ARIH1: variants seen among roughly 807,000 people sequenced by gnomAD.
The protein encoded by ARIH1 is ariadne RBR E3 ubiquitin protein ligase 1, also known as E3 ubiquitin-protein ligase ARIH1.
In ARIH1, 8 loss-of-function variants were observed where a neutral mutation model predicts 85.0. The ratio of observed to expected loss-of-function variants is 0.09; its 90% CI spans 0.06 to 0.17. ARIH1 has a LOEUF of 0.17. Ranked by LOEUF, ARIH1 falls within the 10% of genes least tolerant of loss-of-function variation. ARIH1 has a pLI of 1.00. For synonymous variants in ARIH1, 238 were observed against 253.6 expected (o/e 0.94, Z 0.59); for missense variants, 311 against 718.1 (o/e 0.43, Z 6.48).
rs1595845400 is a variant in ARIH1, at chr15:72,475,011, C to T, written c.372C>T (p.Ile124=). 6.4e-7 allele frequency: 1 copy of T among 1,554,704 alleles called. No homozygotes were observed. Among genetic ancestry groups the T allele is most frequent in the Non-Finnish European group, 8.7e-7 (1 of 1,148,784 alleles). ...VECIREVNEV[I]QNPATITRIL... ...GTATCCGGGAGGTCAACGAGGTCAT[C>T]CAGGTGAGGGTGGCCGCCGCGCCAG... Residue 124 remains isoleucine, a synonymous_variant, in exon 1 of 14, where the codon ATC becomes ATT. Transcript: ENST00000379887.
rs1482507246 is a variant in ARIH1 at position 72,574,586 on chromosome 15, G to A, written c.1215+2421G>A. Among the ~76,000 whole-genome samples, 3 of 152,378 alleles carry A rather than the reference G, an allele frequency of 2.0e-5. No homozygotes were observed. In the South Asian group the frequency reaches 6.2e-4, roughly 32 times the overall value. ...ATTATATTGTACCACAGTGCCGACA[G>A]TTGTGGATATTTGAATCTTCTTGTC... On this transcript the variant is annotated intron_variant, in intron 11 of 13. Transcript: ENST00000379887.
chr15:72,511,173 T>C (rs1178235992), intron 1 of ARIH1, among the ~76,000 whole-genome samples: 1 of 152,244 alleles, frequency 6.6e-6, no homozygotes, highest in African/African-American at 2.4e-5. Context: ...GTTTTCCGTG[T>C]ACACGTTCTT....
chr15:72,543,362 T>G (rs1161368118), intron 2 of ARIH1, among the ~76,000 whole-genome samples: 1 of 152,090 alleles, frequency 6.6e-6, no homozygotes, highest in African/African-American at 2.4e-5. Context: ...CTCAAAATTG[T>G]AGGAAAGCAT....
chr15:72,488,321 C>G (rs1257722188), intron 1 of ARIH1, among the ~76,000 whole-genome samples: 1 of 152,156 alleles, frequency 6.6e-6, no homozygotes, highest in Non-Finnish European at 1.5e-5. Context: ...AAACGATCTT[C>G]CCACCTCAGC....
Position 72,474,651 on chromosome 15 carries a change from C to A in ARIH1, c.12C>A (p.Asp4Glu). The change falls in exon 1 of 14, where the codon GAC (aspartate) becomes GAA (glutamate). Residue 4 changes from aspartate to glutamate, a missense_variant. Coordinates refer to ENST00000379887, the MANE Select transcript of ARIH1 (RefSeq NM_005744.5). MDS[D>E]EGYNYEFDED... ...CCGCGCGTCGCGCCATGGACTCGGA[C>A]GAGGGCTACAACTACGAGTTCGACG... The A allele has an allele frequency of 6.5e-7, 1 of 1,538,638 alleles. No individual in the cohort carries two copies. Among genetic ancestry groups the A allele is most frequent in the Middle Eastern group, 1.7e-4 (1 of 5,866 alleles).
At chr15:72,567,041 G>A in intron 8 of ARIH1, 65 bp from the exon 9 acceptor site, 2 of 1,217,236 alleles carry the variant, frequency 1.6e-6, no homozygotes, top group East Asian at 2.4e-5. Context: ...ATAGTTAAGT[G>A]CTAAAGTAAT....
intron 1 of ARIH1, among the ~76,000 whole-genome samples, chr15:72,509,626 T>C (rs1054052535): frequency 1.3e-5 from 2 of 152,160 alleles, no homozygotes; most frequent in East Asian, 3.9e-4. Flanking sequence ...TCTTACTCTT[T>C]CGCCCAGGCT....
rs373643983 is a variant in ARIH1 at position 72,548,818 on chromosome 15, A to G, written c.588+3854A>G. 2.6e-5 allele frequency among the ~76,000 whole-genome samples: 4 copies of G among 152,180 alleles called. No individual in the cohort carries two copies. In the East Asian group the frequency reaches 7.7e-4, roughly 29 times the overall value. On this transcript the variant is annotated intron_variant, in intron 3 of 13. Coordinates refer to ENST00000379887, the MANE Select transcript of ARIH1 (RefSeq NM_005744.5). The stretch of plus-strand genomic sequence containing the variant: ...CTTTTTTATTATATATATCTTCAGT[A>G]TCTTTATCCTTCCAGAAAGCAATTT...
At position 72,563,569 on chromosome 15, in the gene ARIH1, A is replaced by G. The variant is rs1026311038; in HGVS notation, c.911+69A>G. On this transcript the variant is annotated intron_variant, in intron 7 of 13. Coordinates refer to ENST00000379887, the MANE Select transcript of ARIH1 (RefSeq NM_005744.5). ...TCCATTTCTCCTGTTTATTCTTGGT[A>G]GTAAAATAGCAGAAAAAAAGTGTTT... The G allele has an allele frequency of 5.9e-6, 8 of 1,351,916 alleles. No homozygotes were observed. In the East Asian group the frequency reaches 1.4e-4, roughly 23 times the overall value. 83.7% of individuals were successfully genotyped at this position (1,351,916 alleles called of 1,614,324 possible).
chr15:72,493,090 C>G (rs893685092), intron 1 of ARIH1, among the ~76,000 whole-genome samples: 3 of 152,140 alleles, frequency 2.0e-5, no homozygotes, highest in African/African-American at 4.8e-5. Context: ...CCTTCACAGC[C>G]ACTTCCAGAA....
chr15:72,475,418 A>T (rs1270357425), intron 1 of ARIH1, among the ~76,000 whole-genome samples: 7 of 152,226 alleles, frequency 4.6e-5, no homozygotes, highest in African/African-American at 1.7e-4. Context: ...CCCCGGCCGT[A>T]GCCTCATTTG....
At chr15:72,541,789 G>C (rs1043539267) in intron 2 of ARIH1, among the ~76,000 whole-genome samples, 1 of 152,208 alleles carries the variant, frequency 6.6e-6, no homozygotes, top group Non-Finnish European at 1.5e-5. Context: ...CTTGTAACAT[G>C]CCTGTAGACA....
chr15:72,549,233 G>A (rs1241723897), intron 3 of ARIH1, among the ~76,000 whole-genome samples: 7 of 151,400 alleles, frequency 4.6e-5, no homozygotes, highest in African/African-American at 1.2e-4. Context: ...GATTACAGCC[G>A]CCCACCACCA....
At chr15:72,563,623 G>T (rs2064206469) in intron 7 of ARIH1, 123 bp downstream of exon 7, 1 of 735,074 alleles carries the variant, frequency 1.4e-6, no homozygotes, top group Non-Finnish European at 2.3e-6. Flanking sequence ...TTTGATACTG[G>T]TTTAAAATAG....
chr15:72,491,269 T>C (rs1019664742), intron 1 of ARIH1, among the ~76,000 whole-genome samples: 1 of 152,186 alleles, frequency 6.6e-6, no homozygotes, highest in African/African-American at 2.4e-5. Context: ...CTGTATGCCT[T>C]TGTAAGGTTT....
chr15:72,477,558 G>A (rs962341540), intron 1 of ARIH1, among the ~76,000 whole-genome samples: 2 of 152,088 alleles, frequency 1.3e-5, no homozygotes, highest in Non-Finnish European at 2.9e-5. Flanking sequence ...TTCTGGGAGA[G>A]GAGTTCTGGG....
At chr15:72,569,145 C>T (rs1433282108) in intron 9 of ARIH1, among the ~76,000 whole-genome samples, 2 of 151,980 alleles carry the variant, frequency 1.3e-5, no homozygotes, top group Non-Finnish European at 2.9e-5. Flanking sequence ...CCCACCTCAA[C>T]AAAAAATTCA....
intron 1 of ARIH1, among the ~76,000 whole-genome samples, chr15:72,478,920 C>G (rs2063804604): frequency 1.3e-5 from 2 of 152,150 alleles, no homozygotes; most frequent in Admixed American, 6.5e-5. Context: ...TCACTGCAAC[C>G]TCAACTTCCT....
Position 72,555,367 on chromosome 15 carries a change from A to G in ARIH1, c.681+4A>G, listed in dbSNP as rs761909448. The G allele has an allele frequency of 6.2e-7, 1 of 1,603,100 alleles. No individual in the cohort carries two copies. Among genetic ancestry groups the G allele is most frequent in the South Asian group, 1.1e-5 (1 of 90,686 alleles). ...AATGGAAGAAGGCATGGGTCAGGTAAAGATATCAAGTTGTTTTTCAGTTTT... is the reference window on the plus strand; with the variant it reads ...AATGGAAGAAGGCATGGGTCAGGTAGAGATATCAAGTTGTTTTTCAGTTTT... On this transcript the variant is annotated splice_donor_region_variant and intron_variant, in intron 4 of 13. Coordinates refer to ENST00000379887, the MANE Select transcript of ARIH1 (RefSeq NM_005744.5).
Sources: gnomAD v4.1 joint callset for allele counts (sites outside exome capture counted in the v4.1 genomes callset) on GRCh38, gnomAD v4.1.1 for gene constraint, MANE v1.5 for transcripts, NCBI Gene and HGNC (gene_info 2026-07-23, HGNC 2026-07-21) for gene names.